GPAT3: variants seen among roughly 807,000 people sequenced by gnomAD.
The protein encoded by GPAT3 is 1-AGP acyltransferase 9.
In GPAT3, 53 loss-of-function variants were observed where a neutral mutation model predicts 58.8. The observed-to-expected ratio is 0.90, with a 90% CI of 0.72 to 1.13. GPAT3 has a LOEUF of 1.13. Ranked by LOEUF, GPAT3 falls within the 50% of genes most tolerant of loss-of-function variation. The pLI is 0.00. For synonymous variants in GPAT3, 197 were observed against 187.4 expected, an observed-to-expected ratio of 1.05 and a Z score of -0.42; for missense variants, 511 against 527.6, an observed-to-expected ratio of 0.97 and a Z score of 0.31.
chr4:83,582,784 T>C (rs1726198543), intron 3 of GPAT3, among the ~76,000 whole-genome samples: 2 of 142,158 alleles, frequency 1.4e-5, no homozygotes, highest in South Asian at 4.9e-4. Flanking sequence ...GTTGTTGTTG[T>C]TGTTTTTTTT....
chr4:83,536,887 C>T (rs1172903557), intron 1 of GPAT3, 124 bp downstream of exon 1: 10 of 866,196 alleles, frequency 1.2e-5, no homozygotes, highest in African/African-American at 3.4e-5. Flanking sequence ...TGCGTGCGTG[C>T]ATTTCTGTTC....
Position 83,588,192 on chromosome 4 carries a change from T to C in GPAT3, c.555-18T>C, listed in dbSNP as rs758726313. 2 of 1,611,774 alleles carry C rather than the reference T, an allele frequency of 1.2e-6. No individual in the cohort carries two copies. The highest frequency in any genetic ancestry group is 1.7e-6 in the Non-Finnish European group (2 of 1,178,114). ...GAGTGCCCAGAATGGCACAATAAAA[T>C]GTTTCTATTTCCTTCAGCCTCAAAA... On this transcript the variant is annotated intron_variant, in intron 4 of 11. Coordinates refer to ENST00000264409, the MANE Select transcript of GPAT3 (RefSeq NM_032717.5).
At chr4:83,574,392 T>A (rs1725708604) in intron 2 of GPAT3, among the ~76,000 whole-genome samples, 1 of 152,208 alleles carries the variant, frequency 6.6e-6, no homozygotes, top group Non-Finnish European at 1.5e-5. Flanking sequence ...AACTTCTGCC[T>A]TCATTTCCAC....
chr4:83,540,063 C>T lies in GPAT3; in HGVS notation c.141+3300C>T, dbSNP rs531154987. Among the ~76,000 whole-genome samples, 3 of 150,698 alleles carry T rather than the reference C, an allele frequency of 2.0e-5. No individual in the cohort carries two copies. In the South Asian group the frequency reaches 6.3e-4, roughly 32 times the overall value. Reference sequence around the variant, plus strand: ...ATCCCAGCTGCTCAGGAGGCTGAGGCTGAGAATCACTTGAACCCGGGAGGC... The same window carrying T: ...ATCCCAGCTGCTCAGGAGGCTGAGGTTGAGAATCACTTGAACCCGGGAGGC... On this transcript the variant is annotated intron_variant, in intron 1 of 11. Transcript: ENST00000264409.
chr4:83,581,246 T>TTG (rs894425434), intron 2 of GPAT3, among the ~76,000 whole-genome samples: 85 of 150,932 alleles, frequency 5.6e-4, no homozygotes, highest in South Asian at 1.3e-3. Context: ...GGGGAGAATT[T>TTG]TGTGTGTGTG....
intron 6 of GPAT3, among the ~76,000 whole-genome samples, chr4:83,593,429 G>T (rs144294937): frequency 6.6e-6 from 1 of 151,914 alleles, no homozygotes; most frequent in African/African-American, 2.4e-5. Flanking sequence ...GCCTCCCAAA[G>T]TGCTGGGAAT....
chr4:83,559,127 A>G (rs1439395845), intron 2 of GPAT3, among the ~76,000 whole-genome samples: 1 of 152,218 alleles, frequency 6.6e-6, no homozygotes, highest in African/African-American at 2.4e-5. Flanking sequence ...ATAGTTTAGA[A>G]TTTTGGGAGA....
rs558116025 is a variant in GPAT3 at position 83,597,079 on chromosome 4, T to G, written c.910+166T>G. On this transcript the variant is annotated intron_variant, in intron 8 of 11. Coordinates refer to ENST00000264409, the MANE Select transcript of GPAT3 (RefSeq NM_032717.5). ...TTAATTCCTTGCTTTCTTTTGAGAC[T>G]TGATAGAAGTCATGTTACCTTTTTA... Among the ~76,000 whole-genome samples the G allele has an allele frequency of 3.3e-4, 51 of 152,312 alleles. 2 individuals carry two copies. Among genetic ancestry groups the G allele is most frequent in the Middle Eastern group, 3.4e-3 (1 of 294 alleles).
rs1560621462 is a variant in GPAT3 at position 83,579,081 on chromosome 4, C to CCTTCCTT, written c.209-2480_209-2479insTTCCTTC. On this transcript the variant is annotated intron_variant, in intron 2 of 11. Coordinates refer to ENST00000264409, the MANE Select transcript of GPAT3 (RefSeq NM_032717.5). ...TTCTTTCTTTCTTTCTTTCTTTCTT[C>CCTTCCTT]CCTTCCTTCCTTCCTTCCTTCCTTC... Among the ~76,000 whole-genome samples, 77 of 19,634 alleles carry CCTTCCTT rather than the reference C, an allele frequency of 3.9e-3. 6 individuals are homozygous for CCTTCCTT. Among genetic ancestry groups the CCTTCCTT allele is most frequent in the African/African-American group, 5.7e-3 (31 of 5,412 alleles). The allele number at this position is 19,634 out of a possible 152,430, so 12.9% of individuals were successfully genotyped here.
At chr4:83,602,759 G>C (rs918546879) in intron 11 of GPAT3, among the ~76,000 whole-genome samples, 1 of 152,146 alleles carries the variant, frequency 6.6e-6, no homozygotes, top group African/African-American at 2.4e-5. Flanking sequence ...AAAGGAGAAA[G>C]GCCTTTCTTA....
At chr4:83,549,820 T>C (rs1488981589) in intron 2 of GPAT3, among the ~76,000 whole-genome samples, 1 of 151,834 alleles carries the variant, frequency 6.6e-6, no homozygotes, top group Non-Finnish European at 1.5e-5. Context: ...CCTCCTGGGT[T>C]CAAGAGATTC....
chr4:83,591,252 A>G (rs1343612193), intron 6 of GPAT3, among the ~76,000 whole-genome samples: 2 of 152,182 alleles, frequency 1.3e-5, no homozygotes, highest in Non-Finnish European at 2.9e-5. Context: ...GCACATGTGC[A>G]AGTATTTGAC....
chr4:83,537,219 A>G (rs956565728), intron 1 of GPAT3, among the ~76,000 whole-genome samples: 6 of 152,204 alleles, frequency 3.9e-5, no homozygotes, highest in Non-Finnish European at 7.3e-5. Flanking sequence ...TATGCCCAAG[A>G]TAAGAGACCA....
At chr4:83,548,009 C>T (rs749731313) in intron 2 of GPAT3, among the ~76,000 whole-genome samples, 7 of 152,132 alleles carry the variant, frequency 4.6e-5, no homozygotes, top group African/African-American at 7.2e-5. Context: ...AGGACTTTTC[C>T]TCATTGTTAA....
chr4:83,597,390 C>CAT, intron 8 of GPAT3, 40 bp from the exon 9 acceptor site: 1 of 1,081,204 alleles, frequency 9.2e-7, no homozygotes, highest in Non-Finnish European at 1.3e-6. Context: ...AAATGACTGC[C>CAT]TTTAAAAATA....
At chr4:83,542,535 CTGACGTA>C (rs1200093064) in intron 1 of GPAT3, among the ~76,000 whole-genome samples, 2 of 152,304 alleles carry the variant, frequency 1.3e-5, no homozygotes, top group East Asian at 3.9e-4. Flanking sequence ...TGAAGGGGTC[CTGACGTA>C]GTCAGATATC....
At chr4:83,577,788 CTTTTT>C (rs1185047521) in intron 2 of GPAT3, among the ~76,000 whole-genome samples, 4 of 66,684 alleles carry the variant, frequency 6.0e-5, no homozygotes, top group African/African-American at 1.1e-4. Context: ...GTCATTGTGG[CTTTTT>C]TTTTTTTTTT....
rs1560620653 is a variant in GPAT3 at position 83,578,963 on chromosome 4, T to TCTTTCTTGCTTG, written c.209-2592_209-2591insGCTTGCTTTCTT. On this transcript the variant is annotated intron_variant, in intron 2 of 11. Coordinates refer to ENST00000264409, the MANE Select transcript of GPAT3 (RefSeq NM_032717.5). The stretch of plus-strand genomic sequence containing the variant: ...TTTTCTTTTCTTTTCTTTCTTTCTT[T>TCTTTCTTGCTTG]CTTTCTTTCTTTCTTTCTTTCTTTC... Among the ~76,000 whole-genome samples the TCTTTCTTGCTTG allele has an allele frequency of 4.1e-5, 5 of 123,136 alleles. 1 individual carries two copies. The highest frequency in any genetic ancestry group is 1.7e-4 in the African/African-American group (5 of 28,750). The allele number at this position is 123,136 out of a possible 152,430, so 80.8% of individuals were successfully genotyped here. A position where few individuals can be genotyped will look rare whatever the true frequency, so the allele number is the denominator to read the frequency against.
intron 2 of GPAT3, among the ~76,000 whole-genome samples, chr4:83,545,347 G>T (rs1420337136): frequency 1.3e-5 from 2 of 152,016 alleles, no homozygotes; most frequent in African/African-American, 4.8e-5. Context: ...GTGGGGTCCT[G>T]AGGTGGGAGG....
Sources: allele counts gnomAD v4.1 joint callset (sites outside exome capture counted in the v4.1 genomes callset), GRCh38; gene constraint gnomAD v4.1.1; transcripts MANE v1.5; gene names NCBI Gene and HGNC (gene_info 2026-07-23, HGNC 2026-07-21).